Variants in ELAPOR2 observed in about 807,000 individuals in gnomAD.
ELAPOR2 encodes the protein endosome/lysosome-associated apoptosis and autophagy regulator family member 2.
In ELAPOR2, 89 loss-of-function variants were observed where a neutral mutation model predicts 120.7. The ratio of observed to expected loss-of-function variants is 0.74; its 90% CI spans 0.62 to 0.88. ELAPOR2 has a LOEUF of 0.88. ELAPOR2 is among the 40% of genes least tolerant of loss of function. ELAPOR2 has a pLI of 0.00. For missense variants in ELAPOR2, 1,134 were observed against 1,251.6 expected, an observed-to-expected ratio of 0.91 and a Z score of 1.42; for synonymous variants, 444 against 444.9, an observed-to-expected ratio of 1.00 and a Z score of 0.03.
intron 4 of ELAPOR2, 62 bp from the exon 5 acceptor site, chr7:86,942,166 G>A: frequency 7.2e-6 from 7 of 966,864 alleles, no homozygotes; most frequent in African/African-American, 1.6e-5. Context: ...ATTAAATTCT[G>A]TACCCAGCAC....
At chr7:86,900,929 C>G (rs1388858938) in intron 18 of ELAPOR2, among the ~76,000 whole-genome samples, 1 of 152,190 alleles carries the variant, frequency 6.6e-6, no homozygotes, top group Non-Finnish European at 1.5e-5. Context: ...TTGCCAAGTA[C>G]TTGAAATACT....
chr7:86,993,763 A>G (rs557427681), intron 1 of ELAPOR2, among the ~76,000 whole-genome samples: 3 of 152,294 alleles, frequency 2.0e-5, no homozygotes, highest in Admixed American at 2.0e-4. Flanking sequence ...TCAAAATCCA[A>G]CTTGTACACA....
chr7:86,938,986 T>G, intron 6 of ELAPOR2, 26 bp from the exon 7 acceptor site: 1 of 1,611,946 alleles, frequency 6.2e-7, no homozygotes. Context: ...AAACAGAGCA[T>G]GGGAGGGGGA....
chr7:86,905,575 C>T (rs1044727699), intron 18 of ELAPOR2, among the ~76,000 whole-genome samples: 2 of 151,858 alleles, frequency 1.3e-5, no homozygotes, highest in Non-Finnish European at 2.9e-5. Context: ...TTTAGACTGT[C>T]ACATTTTAAA....
rs1790131707 is a variant in ELAPOR2 at position 86,927,559 on chromosome 7, A to G, written c.1090-643T>C. On this transcript the variant is annotated intron_variant, in intron 8 of 21. Coordinates refer to ENST00000450689, the MANE Select transcript of ELAPOR2 (RefSeq NM_001142749.3). Reference sequence around the variant, plus strand: ...GACAACCTCTGCCTTCAAGGAGAGCAGTCTTTTAAACTCTGCCCTTTTATT... The same window carrying G: ...GACAACCTCTGCCTTCAAGGAGAGCGGTCTTTTAAACTCTGCCCTTTTATT... Among the ~76,000 whole-genome samples, 5 of 151,910 alleles carry G rather than the reference A, an allele frequency of 3.3e-5. No homozygotes were observed. In the South Asian group the frequency reaches 1.0e-3, roughly 31 times the overall value.
chr7:86,902,800 A>C (rs1469996440), intron 18 of ELAPOR2, among the ~76,000 whole-genome samples: 2 of 151,756 alleles, frequency 1.3e-5, no homozygotes, highest in Non-Finnish European at 2.9e-5. Context: ...GCTAACAGGA[A>C]CCCCTCTCAC....
At chr7:87,008,946 A>G (rs1793569906) in intron 1 of ELAPOR2, among the ~76,000 whole-genome samples, 1 of 152,174 alleles carries the variant, frequency 6.6e-6, no homozygotes, top group African/African-American at 2.4e-5. Flanking sequence ...GAGCCACAAA[A>G]AAAGCTATTT....
At chr7:86,981,231 A>G (rs1792467926) in intron 1 of ELAPOR2, among the ~76,000 whole-genome samples, 2 of 152,174 alleles carry the variant, frequency 1.3e-5, no homozygotes, top group Non-Finnish European at 2.9e-5. Flanking sequence ...AACTCTATTC[A>G]GTTGAACTTT....
chr7:87,046,054 C>T (rs1359741033), intron 1 of ELAPOR2, among the ~76,000 whole-genome samples: 1 of 151,898 alleles, frequency 6.6e-6, no homozygotes, highest in Non-Finnish European at 1.5e-5. Flanking sequence ...TTGGAAAAAC[C>T]TAAAGACTCC....
At chr7:86,918,373 A>G (rs906091529) in intron 12 of ELAPOR2, 69 bp downstream of exon 12, 4 of 860,606 alleles carry the variant, frequency 4.6e-6, no homozygotes, top group Non-Finnish European at 7.3e-6. Context: ...ACTTGCCACA[A>G]ATAAATTTAC....
Position 86,892,964 on chromosome 7 carries a change from A to C in ELAPOR2, c.2822T>G (p.Leu941Trp). 4.4e-6 allele frequency: 7 copies of C among 1,574,570 alleles called. No individual in the cohort carries two copies. The highest frequency in any genetic ancestry group is 6.0e-6 in the Non-Finnish European group (7 of 1,167,470). ...GAGVGAFTAV[L>W]LVALTCYFWK... ...GAAGTAGCAGGTCAGAGCCACCAGCAAAACGGCAGTAAAAGCTCCCACACC... is the reference window on the plus strand; with the variant it reads ...GAAGTAGCAGGTCAGAGCCACCAGCCAAACGGCAGTAAAAGCTCCCACACC... The change falls in exon 20 of 22, where the codon TTG becomes TGG. Residue 941 changes from leucine to tryptophan, a missense_variant. By Grantham distance (61) the Leu-to-Trp change is moderately conservative. Coordinates refer to ENST00000450689, the MANE Select transcript of ELAPOR2 (RefSeq NM_001142749.3).
intron 18 of ELAPOR2, among the ~76,000 whole-genome samples, chr7:86,906,768 C>T (rs897947444): frequency 2.0e-5 from 3 of 152,158 alleles, no homozygotes; most frequent in Non-Finnish European, 4.4e-5. Flanking sequence ...ATGGGTCACA[C>T]CTGTAATCCC....
chr7:87,042,400 T>A (rs575410202), intron 1 of ELAPOR2, among the ~76,000 whole-genome samples: 1 of 150,968 alleles, frequency 6.6e-6, no homozygotes, highest in South Asian at 2.1e-4. Context: ...ACAGAAATTA[T>A]AACAAACTAT....
intron 2 of ELAPOR2, among the ~76,000 whole-genome samples, chr7:86,949,958 G>C (rs149423567): frequency 0.011 from 1,718 of 152,306 alleles, 31 homozygotes; most frequent in African/African-American, 0.04. Flanking sequence ...TGAAGCCTGG[G>C]GGCTGGGTTG....
intron 1 of ELAPOR2, among the ~76,000 whole-genome samples, chr7:87,046,028 G>A (rs1425515852): frequency 1.3e-5 from 2 of 152,010 alleles, no homozygotes; most frequent in East Asian, 3.8e-4. Flanking sequence ...CTTGTTTGCA[G>A]ATGACATATC....
chr7:87,056,687 A>G (rs1262009946), intron 1 of ELAPOR2, among the ~76,000 whole-genome samples: 3 of 152,228 alleles, frequency 2.0e-5, no homozygotes, highest in Non-Finnish European at 4.4e-5. Context: ...GCAAAAATCT[A>G]AATGTAACTT....
At chr7:87,043,870 C>T (rs1213843110) in intron 1 of ELAPOR2, among the ~76,000 whole-genome samples, 2 of 151,826 alleles carry the variant, frequency 1.3e-5, no homozygotes, top group African/African-American at 4.9e-5. Flanking sequence ...CCCATTGTCT[C>T]AGCCCAAAAT....
chr7:86,986,686 G>T (rs1025381866), intron 1 of ELAPOR2, among the ~76,000 whole-genome samples: 5 of 151,252 alleles, frequency 3.3e-5, no homozygotes, highest in African/African-American at 1.2e-4. Flanking sequence ...ACTGCTCAAC[G>T]AAATAAAAGA....
At chr7:86,986,686 G>A (rs1025381866) in intron 1 of ELAPOR2, among the ~76,000 whole-genome samples, 6 of 151,370 alleles carry the variant, frequency 4.0e-5, no homozygotes, top group South Asian at 2.1e-4. Flanking sequence ...ACTGCTCAAC[G>A]AAATAAAAGA....
Sources: gnomAD v4.1 joint callset for allele counts (sites outside exome capture counted in the v4.1 genomes callset) on GRCh38, gnomAD v4.1.1 for gene constraint, MANE v1.5 for transcripts, NCBI Gene and HGNC (gene_info 2026-07-23, HGNC 2026-07-21) for gene names.